The following LUZP2 variants were observed in gnomAD, a reference collection of about 807,000 sequenced individuals.
The protein encoded by LUZP2 is leucine zipper protein 2.
A neutral mutation model predicts 51.6 loss-of-function variants in LUZP2; 52 were observed. The observed-to-expected ratio is 1.01, with a 90% confidence interval of 0.81 to 1.27. The LOEUF (loss-of-function observed/expected upper bound fraction) is 1.27. Among genes scored for constraint, LUZP2 ranks in the 50% most tolerant of loss-of-function variants. The pLI, the probability that LUZP2 is intolerant of heterozygous loss-of-function variation, is 0.00. For synonymous variants in LUZP2, 154 were observed against 137.3 expected (o/e 1.12, Z -0.85); for missense variants, 436 against 395.4 (o/e 1.10, Z -0.87).
At chr11:24,630,252 T>G (rs1854833087) in intron 1 of LUZP2, among the ~76,000 whole-genome samples, 1 of 152,054 alleles carries the variant, frequency 6.6e-6, no homozygotes, top group African/African-American at 2.4e-5. Context: ...GTCTTAGTCA[T>G]TAATTCTTTG....
chr11:25,021,175 T>C (rs539987469), intron 9 of LUZP2, among the ~76,000 whole-genome samples: 3 of 152,082 alleles, frequency 2.0e-5, no homozygotes, highest in African/African-American at 7.2e-5. Flanking sequence ...AAATAAATGA[T>C]AACCATGACA....
At chr11:25,048,421 C>A (rs1187781272) in intron 9 of LUZP2, among the ~76,000 whole-genome samples, 1 of 152,098 alleles carries the variant, frequency 6.6e-6, no homozygotes, top group African/African-American at 2.4e-5. Context: ...TGCCTCCCTG[C>A]ACTTAATAAG....
intron 5 of LUZP2, among the ~76,000 whole-genome samples, chr11:24,900,293 C>G (rs1590707258): frequency 6.6e-6 from 1 of 152,128 alleles, no homozygotes; most frequent in South Asian, 2.1e-4. Flanking sequence ...TAAGACAGGC[C>G]TTTCTAGGGT....
intron 5 of LUZP2, among the ~76,000 whole-genome samples, chr11:24,765,318 T>C (rs1860140335): frequency 6.6e-6 from 1 of 152,138 alleles, no homozygotes; most frequent in Non-Finnish European, 1.5e-5. Context: ...AATACAGTGG[T>C]GAGGGAGATA....
intron 5 of LUZP2, among the ~76,000 whole-genome samples, chr11:24,804,236 A>C (rs1849786628): frequency 6.6e-6 from 1 of 152,146 alleles, no homozygotes; most frequent in Admixed American, 6.6e-5. Flanking sequence ...AGACAGGCCA[A>C]GTATTGGCAG....
intron 5 of LUZP2, among the ~76,000 whole-genome samples, chr11:24,775,697 C>T (rs1274768503): frequency 2.0e-5 from 3 of 152,184 alleles, no homozygotes; most frequent in African/African-American, 7.2e-5. Flanking sequence ...CAATCTTAGA[C>T]GTGACTCAGT....
Position 24,555,940 on chromosome 11 carries a change from T to G in LUZP2, c.62+58635T>G, listed in dbSNP as rs1487260463. Among the ~76,000 whole-genome samples the G allele has an allele frequency of 2.0e-5, 3 of 152,204 alleles. No homozygotes were observed. The East Asian group carries it at 5.8e-4, about 29-fold the overall frequency. On this transcript the variant is annotated intron_variant, in intron 1 of 11. Transcript: ENST00000336930. ...CTTTAGTGAGCCATGATCGTGCCAC[T>G]GCACTCCAGTGTGGGCAACAGAGCA...
chr11:24,731,963 T>C (rs1007083450), intron 2 of LUZP2, among the ~76,000 whole-genome samples, 155 bp from the exon 3 acceptor site: 18 of 151,716 alleles, frequency 1.2e-4, no homozygotes, highest in African/African-American at 3.9e-4. Flanking sequence ...AAATTTCTGT[T>C]TACATCCTTG....
chr11:24,926,289 GTGTGTATATATATACGTGTGTA>G (rs1854239705), intron 7 of LUZP2, among the ~76,000 whole-genome samples: 5 of 119,710 alleles, frequency 4.2e-5, no homozygotes, highest in African/African-American at 1.8e-4. Flanking sequence ...ATATATATAC[GTGTGTATATATATACGTGTGTA>G]TATATATACG....
chr11:24,680,139 A>G (rs1238228996), intron 1 of LUZP2, among the ~76,000 whole-genome samples: 1 of 152,202 alleles, frequency 6.6e-6, no homozygotes, highest in Non-Finnish European at 1.5e-5. Flanking sequence ...AAAAACTATA[A>G]AAGAAAATAA....
intron 9 of LUZP2, among the ~76,000 whole-genome samples, chr11:24,991,463 C>G (rs943629698): frequency 6.7e-6 from 1 of 148,298 alleles, no homozygotes; most frequent in Non-Finnish European, 1.5e-5. Context: ...TCTTTATCCA[C>G]TTGTTGATTG....
chr11:24,732,000 TTTTTAATTCTTG>T lies in LUZP2; in HGVS notation c.181-115_181-104del. 4 of 687,744 alleles carry T rather than the reference TTTTTAATTCTTG, an allele frequency of 5.8e-6. No homozygotes were observed. In the South Asian group the frequency reaches 8.2e-5, roughly 14 times the overall value. 42.6% of individuals were successfully genotyped at this position (687,744 alleles called of 1,614,324 possible). A position where few individuals can be genotyped will look rare whatever the true frequency, so the allele number is the denominator to read the frequency against. ...AGCCGTGAGGACCATCATAGACTCATTTTTAATTCTTGTTCCAGGGCATATGTGCAGTCCTAT... is the reference window on the plus strand; with the variant it reads ...AGCCGTGAGGACCATCATAGACTCATTTCCAGGGCATATGTGCAGTCCTAT... On this transcript the variant is annotated intron_variant, in intron 2 of 11. Coordinates refer to ENST00000336930, the MANE Select transcript of LUZP2 (RefSeq NM_001009909.4).
At chr11:24,769,786 C>CTCTTTTTTTTTTTTTTT (rs764723270) in intron 5 of LUZP2, among the ~76,000 whole-genome samples, 6 of 146,950 alleles carry the variant, frequency 4.1e-5, no homozygotes, top group Non-Finnish European at 8.9e-5. Flanking sequence ...ACTAAATTCT[C>CTCTTTTTTTTTTTTTTT]TTTTTTGTTT....
At chr11:24,657,859 A>G (rs1158375121) in intron 1 of LUZP2, among the ~76,000 whole-genome samples, 4 of 152,190 alleles carry the variant, frequency 2.6e-5, no homozygotes, top group African/African-American at 7.2e-5. Context: ...TAGGAATCCA[A>G]CTTACAAGGG....
At chr11:24,910,888 T>G (rs1465757361) in intron 6 of LUZP2, among the ~76,000 whole-genome samples, 1 of 151,986 alleles carries the variant, frequency 6.6e-6, no homozygotes, top group Non-Finnish European at 1.5e-5. Flanking sequence ...GGAAAAGGCA[T>G]GGGCACTCAA....
intron 9 of LUZP2, among the ~76,000 whole-genome samples, chr11:25,010,471 C>T (rs150211588): frequency 6.6e-6 from 1 of 152,084 alleles, no homozygotes; most frequent in African/African-American, 2.4e-5. Context: ...TCACTTGAAC[C>T]AGGGAGGCAG....
intron 1 of LUZP2, among the ~76,000 whole-genome samples, chr11:24,714,605 C>G (rs1263475987): frequency 2.0e-5 from 3 of 152,148 alleles, no homozygotes; most frequent in East Asian, 1.9e-4. Context: ...AATGCACCCC[C>G]CAACCCCTAA....
intron 1 of LUZP2, among the ~76,000 whole-genome samples, chr11:24,569,914 A>G (rs1852378667): frequency 6.6e-6 from 1 of 151,908 alleles, no homozygotes; most frequent in Admixed American, 6.6e-5. Flanking sequence ...TCAATGTTTT[A>G]CCGTATCCAC....
intron 7 of LUZP2, among the ~76,000 whole-genome samples, chr11:24,916,483 C>A (rs371333550): frequency 1.1e-4 from 16 of 152,100 alleles, no homozygotes; most frequent in African/African-American, 2.9e-4. Flanking sequence ...ATCCCTCCCC[C>A]CTCCTGCCAC....
Sources: allele counts gnomAD v4.1 joint callset (sites outside exome capture counted in the v4.1 genomes callset), GRCh38; gene constraint gnomAD v4.1.1; transcripts MANE v1.5; gene names NCBI Gene and HGNC (gene_info 2026-07-23, HGNC 2026-07-21).